CHLSN: variants seen among roughly 807,000 people sequenced by gnomAD.
CHLSN encodes the protein cholesin.
At chr7:1,048,586 C>G in the CHLSN span, among the ~76,000 whole-genome samples, 2 of 152,160 alleles carry the variant, frequency 1.3e-5, no homozygotes, top group African/African-American at 4.8e-5. Context: ...TCAAAGTTAG[C>G]CCCGGGTTTC....
the CHLSN span, among the ~76,000 whole-genome samples, chr7:1,131,805 T>C: frequency 1.3e-5 from 2 of 152,260 alleles, no homozygotes; most frequent in Non-Finnish European, 2.9e-5. Flanking sequence ...TATTTGCTAA[T>C]AAGGGATAAA....
chr7:1,017,109 G>A, the CHLSN span, among the ~76,000 whole-genome samples: 1 of 152,244 alleles, frequency 6.6e-6, no homozygotes, highest in Non-Finnish European at 1.5e-5. Context: ...GGAAGCCTTG[G>A]TCTGAGGGCC....
At chr7:1,116,050 G>A in the CHLSN span, among the ~76,000 whole-genome samples, 3 of 121,812 alleles carry the variant, frequency 2.5e-5, no homozygotes, top group Admixed American at 8.9e-5. Context: ...CTACGGACCC[G>A]CTTCCATCAC....
the CHLSN span, chr7:988,405 G>A: frequency 6.2e-7 from 1 of 1,612,594 alleles, no homozygotes. Context: ...AGGCCTTCCT[G>A]CCTTTCTCTG....
chr7:1,092,211 G>A, the CHLSN span: 1 of 1,612,994 alleles, frequency 6.2e-7, no homozygotes, highest in South Asian at 1.1e-5. Flanking sequence ...CCCTGGCCAG[G>A]GCCATGCGCT....
At chr7:1,095,067 C>G in the CHLSN span, among the ~76,000 whole-genome samples, 22 of 151,434 alleles carry the variant, frequency 1.5e-4, no homozygotes, top group African/African-American at 5.1e-4. Flanking sequence ...GAACACCGTG[C>G]GTGGCTTGAG....
the CHLSN span, chr7:989,038 T>C: frequency 1.9e-6 from 1 of 521,370 alleles, no homozygotes. Context: ...TGATGCTGTC[T>C]GCAGCTCAGT....
At chr7:1,116,148 T>C in the CHLSN span, among the ~76,000 whole-genome samples, 5 of 118,268 alleles carry the variant, frequency 4.2e-5, no homozygotes, top group Non-Finnish European at 8.5e-5. Context: ...TAACTACAGC[T>C]CTACGGACCG....
At chr7:1,124,736 A>T in the CHLSN span, among the ~76,000 whole-genome samples, 3,702 of 149,992 alleles carry the variant, frequency 0.025, 56 homozygotes, top group Non-Finnish European at 0.029. Context: ...AAAAAATTTT[A>T]AAAAAGCACA....
chr7:1,113,456 A>G, the CHLSN span, among the ~76,000 whole-genome samples: 11 of 152,126 alleles, frequency 7.2e-5, no homozygotes, highest in Non-Finnish European at 1.5e-4. Context: ...TGTGCGACCC[A>G]CATGGCAGGG....
At chr7:1,003,714 G>A in the CHLSN span, among the ~76,000 whole-genome samples, 1 of 90,962 alleles carries the variant, frequency 1.1e-5, no homozygotes, top group Admixed American at 9.3e-5. Flanking sequence ...GGAGTCCTGC[G>A]GGTGGGGAGT....
At chr7:1,040,254 G>T in the CHLSN span, among the ~76,000 whole-genome samples, 5 of 151,098 alleles carry the variant, frequency 3.3e-5, 1 homozygote, top group African/African-American at 7.3e-5. Flanking sequence ...TGCTTGGGAG[G>T]CTGAGGTGGG....
the CHLSN span, among the ~76,000 whole-genome samples, chr7:1,114,544 G>C: frequency 3.9e-5 from 6 of 152,212 alleles, no homozygotes; most frequent in Admixed American, 2.6e-4. Flanking sequence ...GGCTGCCCCC[G>C]CTCGGCCGCT....
chr7:1,037,157 C>T, the CHLSN span, among the ~76,000 whole-genome samples: 2 of 146,272 alleles, frequency 1.4e-5, no homozygotes, highest in Admixed American at 6.9e-5. Flanking sequence ...GGATTTACTT[C>T]AGTCTGATAA....
the CHLSN span, chr7:985,419 T>C: frequency 7.5e-7 from 1 of 1,335,446 alleles, no homozygotes; most frequent in East Asian, 2.5e-5. Flanking sequence ...CCCTCTCAGC[T>C]TCTCGGCCCT....
chr7:1,029,428 A>C, the CHLSN span, among the ~76,000 whole-genome samples: 14 of 152,168 alleles, frequency 9.2e-5, no homozygotes, highest in Admixed American at 2.6e-4. Context: ...GCCCAGCCTA[A>C]TTTTTAATTT....
the CHLSN span, among the ~76,000 whole-genome samples, chr7:1,079,650 C>A: frequency 5.3e-3 from 813 of 152,322 alleles, 9 homozygotes; most frequent in African/African-American, 0.019. Flanking sequence ...GTGGCAGGGG[C>A]AGCAGCTCCT....
the CHLSN span, chr7:988,457 A>G: frequency 1.9e-6 from 3 of 1,610,008 alleles, no homozygotes; most frequent in Non-Finnish European, 1.7e-6. Flanking sequence ...CGGCACCTCC[A>G]GGGCTCCAGG....
the CHLSN span, among the ~76,000 whole-genome samples, chr7:1,104,256 C>A: frequency 6.9e-3 from 1,050 of 152,370 alleles, 8 homozygotes; most frequent in South Asian, 0.016. Flanking sequence ...TATTTACCAG[C>A]CTTTAAAAGC....
Sources: allele counts gnomAD v4.1 joint callset (sites outside exome capture counted in the v4.1 genomes callset), GRCh38; gene constraint gnomAD v4.1.1; transcripts MANE v1.5; gene names NCBI Gene and HGNC (gene_info 2026-07-23, HGNC 2026-07-21).